Variants in PSD3 observed in about 807,000 individuals in gnomAD.
PSD3 encodes the protein PH and SEC7 domain-containing protein 3.
In PSD3, 49 loss-of-function variants were observed where a neutral mutation model predicts 105.5. The ratio of observed to expected loss-of-function variants is 0.46; its 90% CI spans 0.37 to 0.59. PSD3 has a LOEUF of 0.59. PSD3 is among the 20% of genes least tolerant of loss of function. The probability of loss-of-function intolerance (pLI) is 0.00; values close to 1 mark genes in which losing one functional copy is unlikely to be tolerated. For missense variants in PSD3, 1,561 were observed against 1,263.8 expected, an observed-to-expected ratio of 1.24 and a Z score of -3.57; for synonymous variants, 557 against 457.8, an observed-to-expected ratio of 1.22 and a Z score of -2.77.
chr8:18,643,801 T>C (rs1807829242), intron 10 of PSD3, among the ~76,000 whole-genome samples: 1 of 152,208 alleles, frequency 6.6e-6, no homozygotes. Flanking sequence ...ATATCCCACA[T>C]CTTTTGAAAT....
At chr8:18,897,443 T>A (rs1819223579) in intron 2 of PSD3, among the ~76,000 whole-genome samples, 1 of 152,206 alleles carries the variant, frequency 6.6e-6, no homozygotes, top group South Asian at 2.1e-4. Context: ...AGTCCGGTAG[T>A]GTGATGTCTC....
chr8:19,008,206 T>C (rs1826786444), intron 1 of PSD3, among the ~76,000 whole-genome samples: 3 of 152,258 alleles, frequency 2.0e-5, no homozygotes, highest in Middle Eastern at 3.4e-3. Context: ...GACAGACCTT[T>C]TGTAGCCACT....
chr8:18,832,384 A>C (rs571412176), intron 4 of PSD3, among the ~76,000 whole-genome samples: 1 of 152,150 alleles, frequency 6.6e-6, no homozygotes, highest in East Asian at 1.9e-4. Context: ...CTTTCCCTTC[A>C]GTTCTGCATA....
intron 1 of PSD3, among the ~76,000 whole-genome samples, chr8:18,993,460 C>A (rs1825912342): frequency 6.7e-6 from 1 of 149,672 alleles, no homozygotes; most frequent in South Asian, 2.2e-4. Context: ...GAAGATAAAA[C>A]CAACTTGACA....
intron 14 of PSD3, chr8:18,557,435 C>G (rs1465626840): frequency 1.3e-5 from 2 of 153,726 alleles, no homozygotes; most frequent in South Asian, 4.1e-4. Flanking sequence ...AAAACGTGTC[C>G]AGAAATTATG....
At chr8:18,598,698 C>T (rs117404236) in intron 12 of PSD3, among the ~76,000 whole-genome samples, 2,024 of 152,166 alleles carry the variant, frequency 0.013, 23 homozygotes, top group Non-Finnish European at 0.022. Flanking sequence ...ATAAATTCAG[C>T]AAAGTTGCAG....
chr8:18,638,556 AAAC>A (rs1807433890), intron 10 of PSD3, among the ~76,000 whole-genome samples: 1 of 152,132 alleles, frequency 6.6e-6, no homozygotes, highest in African/African-American at 2.4e-5. Context: ...AAACAAAAAA[AAAC>A]AAGTAGGAAT....
intron 4 of PSD3, among the ~76,000 whole-genome samples, chr8:18,865,469 G>A (rs1014964894): frequency 6.6e-6 from 1 of 150,990 alleles, no homozygotes. Context: ...AAATTTCTTA[G>A]GATCATTAAA....
At chr8:18,920,313 T>A (rs1212943730) in intron 2 of PSD3, among the ~76,000 whole-genome samples, 2 of 152,176 alleles carry the variant, frequency 1.3e-5, no homozygotes, top group Non-Finnish European at 2.9e-5. Flanking sequence ...ATAATCCATA[T>A]AATGCCCTAA....
At chr8:18,789,928 A>G (rs936278384) in intron 8 of PSD3, among the ~76,000 whole-genome samples, 1 of 152,354 alleles carries the variant, frequency 6.6e-6, no homozygotes, top group South Asian at 2.1e-4. Flanking sequence ...CAGTGATAAG[A>G]AGACTGAATA....
chr8:18,951,841 C>G (rs1823254097), intron 1 of PSD3, among the ~76,000 whole-genome samples: 1 of 152,032 alleles, frequency 6.6e-6, no homozygotes, highest in African/African-American at 2.4e-5. Flanking sequence ...AAAAAATTAG[C>G]TGGTGTGGTG....
intron 12 of PSD3, among the ~76,000 whole-genome samples, chr8:18,575,709 G>C (rs1258667085): frequency 6.6e-6 from 1 of 152,016 alleles, no homozygotes; most frequent in Non-Finnish European, 1.5e-5. Flanking sequence ...ATTATACCGA[G>C]GATAAAAACA....
chr8:18,946,335 G>T (rs983635827), intron 1 of PSD3, among the ~76,000 whole-genome samples: 14 of 152,090 alleles, frequency 9.2e-5, no homozygotes, highest in African/African-American at 3.4e-4. Context: ...CAATGGTTTG[G>T]GAGGTCAAAC....
chr8:18,545,290 C>T (rs1165770547), intron 15 of PSD3, among the ~76,000 whole-genome samples: 1 of 152,158 alleles, frequency 6.6e-6, no homozygotes, highest in Non-Finnish European at 1.5e-5. Flanking sequence ...TTGTCCGGTT[C>T]CAAACCACAA....
chr8:18,640,713 C>G (rs564598027), intron 10 of PSD3, among the ~76,000 whole-genome samples: 1 of 152,274 alleles, frequency 6.6e-6, no homozygotes, highest in East Asian at 1.9e-4. Flanking sequence ...TGAGAATGGA[C>G]TAATACATCA....
intron 1 of PSD3, among the ~76,000 whole-genome samples, chr8:18,975,813 G>A (rs1824912939): frequency 6.6e-6 from 1 of 151,962 alleles, no homozygotes; most frequent in Non-Finnish European, 1.5e-5. Flanking sequence ...ATGTCTCAAT[G>A]CTAACTCATA....
chr8:18,804,996 T>TGAACTAA, intron 4 of PSD3, 98 bp from the exon 5 acceptor site: 1 of 1,036,260 alleles, frequency 9.7e-7, no homozygotes, highest in Non-Finnish European at 1.4e-6. Context: ...TTAGTTCAGC[T>TGAACTAA]ACACTTAGAT....
chr8:18,631,930 A>T (rs1047735388), intron 11 of PSD3, among the ~76,000 whole-genome samples: 1 of 152,054 alleles, frequency 6.6e-6, no homozygotes, highest in African/African-American at 2.4e-5. Context: ...CTGTTCAAGT[A>T]TATCAAATTG....
intron 1 of PSD3, among the ~76,000 whole-genome samples, chr8:18,953,797 T>C (rs368246158): frequency 6.6e-6 from 1 of 151,968 alleles, no homozygotes; most frequent in African/African-American, 2.4e-5. Flanking sequence ...TAGGATGGAA[T>C]ACAGTGGAGC....
Sources: allele counts gnomAD v4.1 joint callset (sites outside exome capture counted in the v4.1 genomes callset), GRCh38; gene constraint gnomAD v4.1.1; transcripts MANE v1.5; gene names NCBI Gene and HGNC (gene_info 2026-07-23, HGNC 2026-07-21).